Variants in DFFB observed in about 807,000 individuals in gnomAD.
The protein encoded by DFFB is DNA fragmentation factor subunit beta, also known as DNA fragmentation factor 40 kDa subunit.
DFFB carries 29 observed loss-of-function variants against 32.7 expected under a neutral mutation model. The ratio of observed to expected loss-of-function variants is 0.89; its 90% CI spans 0.66 to 1.21. DFFB has a LOEUF of 1.21. DFFB is among the 50% of genes most tolerant of loss of function. The probability of loss-of-function intolerance (pLI) is 0.00; values close to 1 mark genes in which losing one functional copy is unlikely to be tolerated. For synonymous variants in DFFB, 170 were observed against 177.1 expected (o/e 0.96, Z 0.32); for missense variants, 398 against 440.6 (o/e 0.90, Z 0.87).
chr1:3,865,897 T>C lies in DFFB; in HGVS notation c.327T>C (p.Asp109=). The change falls in exon 3 of 7, where the codon GAT becomes GAC. Residue 109 remains aspartate, a synonymous_variant. Coordinates refer to ENST00000378209, the MANE Select transcript of DFFB (RefSeq NM_004402.4). The surrounding 1 kb of genome is among the most constrained non-coding windows in gnomAD (Gnocchi z 4.7). ...AGGCCGCCCAGCAGCTGCTGTGTGA[T>C]GAGCAGGCCCCACAGAGGCAGAGGC... The part of the protein sequence containing the change: ...LIQAAQQLLC[D]EQAPQRQRLL... 1 of 1,613,760 alleles carries C rather than the reference T, an allele frequency of 6.2e-7. No homozygotes were observed. The highest frequency in any genetic ancestry group is 1.3e-5 in the African/African-American group (1 of 75,026).
intron 6 of DFFB, among the ~76,000 whole-genome samples, chr1:3,875,852 C>T (rs1645211590): frequency 6.6e-6 from 1 of 152,218 alleles, no homozygotes; most frequent in Non-Finnish European, 1.5e-5. Context: ...TTTCGGCTCA[C>T]TGCCACCTCC....
At position 3,860,646 on chromosome 1, in the gene DFFB, A is replaced by G. The variant is rs541279386; in HGVS notation, c.241+1802A>G. On this transcript the variant is annotated intron_variant, in intron 2 of 6. Transcript: ENST00000378209. ...ATCAGATACAACCGTGGTACAATATAAAACAGGAACACCGACACTAGTGCA... is the reference window on the plus strand; with the variant it reads ...ATCAGATACAACCGTGGTACAATATGAAACAGGAACACCGACACTAGTGCA... 12 of 218,574 alleles carry G rather than the reference A, an allele frequency of 5.5e-5. No homozygotes were observed. In the South Asian group the frequency reaches 5.7e-4, roughly 10 times the overall value. 13.5% of individuals were successfully genotyped at this position (218,574 alleles called of 1,614,324 possible).
At chr1:3,868,493 C>T (rs1354987040) in intron 4 of DFFB, among the ~76,000 whole-genome samples, 2 of 152,016 alleles carry the variant, frequency 1.3e-5, no homozygotes, top group Non-Finnish European at 2.9e-5. Context: ...CTCTCCACCG[C>T]TCCCTCCTCC....
At chr1:3,860,220 G>T (rs940440478) in intron 2 of DFFB, among the ~76,000 whole-genome samples, 1 of 152,014 alleles carries the variant, frequency 6.6e-6, no homozygotes. Flanking sequence ...GAGCCACTGT[G>T]CCTGGCCAAA....
intron 2 of DFFB, among the ~76,000 whole-genome samples, chr1:3,864,439 A>G (rs1047061855): frequency 6.6e-6 from 1 of 152,146 alleles, no homozygotes; most frequent in Non-Finnish European, 1.5e-5. Context: ...TGCTGTTTTT[A>G]ATTTTAGCCA....
At position 3,872,546 on chromosome 1, in the gene DFFB, C is replaced by T. The variant is rs751751055; in HGVS notation, c.756C>T (p.Leu252=). Residue 252 remains leucine, a synonymous_variant, in exon 6 of 7, where the codon CTC becomes CTT. Coordinates refer to ENST00000378209, the MANE Select transcript of DFFB (RefSeq NM_004402.4). ...NPYSNRESRI[L]FSTWNLDHII... ...ACAGTAACAGGGAGAGCAGGATCCTCTTCAGCACCTGGAACCTGGATCACA... is the reference window on the plus strand; with the variant it reads ...ACAGTAACAGGGAGAGCAGGATCCTTTTCAGCACCTGGAACCTGGATCACA... 20 of 1,613,998 alleles carry T rather than the reference C, an allele frequency of 1.2e-5. No individual in the cohort carries two copies. The highest frequency in any genetic ancestry group is 2.7e-5 in the African/African-American group (2 of 74,906).
At chr1:3,872,445 C>G (rs1419208835) in intron 5 of DFFB, 27 bp from the exon 6 acceptor site, 5 of 1,561,450 alleles carry the variant, frequency 3.2e-6, no homozygotes, top group African/African-American at 1.4e-5. Flanking sequence ...ACTTTCTGGC[C>G]TTCCCTCATT....
chr1:3,875,949 GT>G (rs1325378885), intron 6 of DFFB, among the ~76,000 whole-genome samples: 3 of 151,952 alleles, frequency 2.0e-5, no homozygotes, highest in Non-Finnish European at 4.4e-5. Flanking sequence ...GCTAATTTTT[GT>G]GTTTTTTTAG....
intron 2 of DFFB, 108 bp downstream of exon 2, chr1:3,858,952 A>T: frequency 6.8e-7 from 1 of 1,474,462 alleles, no homozygotes; most frequent in East Asian, 2.4e-5. Flanking sequence ...CCTTACTGTG[A>T]ACTCTCGGGT....
chr1:3,881,546 G>T (rs1645337748), intron 6 of DFFB, among the ~76,000 whole-genome samples: 1 of 152,204 alleles, frequency 6.6e-6, no homozygotes, highest in Admixed American at 6.5e-5. Context: ...GGCAGCTGGG[G>T]AGCCCCTTTC....
chr1:3,857,627 G>C lies in DFFB; in HGVS notation c.24G>C (p.Val8=). The change falls in exon 1 of 7, where the codon GTG becomes GTC. Residue 8 remains valine, a synonymous_variant. Transcript: ENST00000378209. MLQKPKS[V]KLRALRSPRK... ...CAATGCTCCAGAAGCCCAAGAGCGT[G>C]AAGCTGCGGGCCCTGCGCAGCCCGA... is the stretch of plus-strand genomic sequence containing the variant. 1 of 1,601,852 alleles carries C rather than the reference G, an allele frequency of 6.2e-7. No homozygotes were observed. The highest frequency in any genetic ancestry group is 8.5e-7 in the Non-Finnish European group (1 of 1,174,724).
At chr1:3,880,509 C>G (rs931640031) in intron 6 of DFFB, among the ~76,000 whole-genome samples, 10 of 152,220 alleles carry the variant, frequency 6.6e-5, no homozygotes, top group Non-Finnish European at 1.5e-5. Context: ...TCCTTGTGGA[C>G]TGTGCTGGGC....
At chr1:3,876,216 T>C (rs1189864139) in intron 6 of DFFB, among the ~76,000 whole-genome samples, 1 of 152,212 alleles carries the variant, frequency 6.6e-6, no homozygotes, top group East Asian at 1.9e-4. Flanking sequence ...ATGCAACAAG[T>C]ACCCAAAAAT....
rs139073886 is a variant in DFFB, at chr1:3,864,085, G to A, written c.242-1727G>A. ...GGGTTCAAGCGATTCTCTTGCCTCA[G>A]CCTCCCGAGTAGCTGGGGTTACAGG... On this transcript the variant is annotated intron_variant, in intron 2 of 6. Coordinates refer to ENST00000378209, the MANE Select transcript of DFFB (RefSeq NM_004402.4). 3.2e-3 allele frequency among the ~76,000 whole-genome samples: 490 copies of A among 152,122 alleles called. 2 individuals are homozygous for A. The highest frequency in any genetic ancestry group is 0.012 in the African/African-American group (480 of 41,482).
chr1:3,882,094 G>C (rs1474530217), intron 6 of DFFB, among the ~76,000 whole-genome samples: 1 of 152,162 alleles, frequency 6.6e-6, no homozygotes, highest in Admixed American at 6.5e-5. Flanking sequence ...ACTCCAACCA[G>C]GCTAGAATGC....
intron 5 of DFFB, among the ~76,000 whole-genome samples, chr1:3,872,116 T>C (rs1645125533): frequency 6.6e-6 from 1 of 152,174 alleles, no homozygotes; most frequent in Non-Finnish European, 1.5e-5. Context: ...ACTGAGACTG[T>C]ATGAGACTCA....
intron 3 of DFFB, among the ~76,000 whole-genome samples, chr1:3,866,574 A>G (rs536870321): frequency 2.0e-5 from 3 of 152,252 alleles, no homozygotes; most frequent in South Asian, 2.1e-4. Flanking sequence ...TAAAGTACAT[A>G]TGACATAAAA....
At chr1:3,859,340 CT>C (rs1644834358) in intron 2 of DFFB, among the ~76,000 whole-genome samples, 1 of 152,154 alleles carries the variant, frequency 6.6e-6, no homozygotes, top group African/African-American at 2.4e-5. Flanking sequence ...AGAGGTGGTT[CT>C]TTCGGGGCAT....
rs1644815552 is a variant in DFFB at position 3,858,764 on chromosome 1, A to G, written c.161A>G (p.Glu54Gly). ...SRLCLYEDGT[E>G]LTEDYFPSVP... ...CTGTGCCTGTACGAGGATGGCACGG[A>G]GCTGACGGAAGATTACTTCCCCAGT... The change falls in exon 2 of 7, where the codon GAG (glutamate) becomes GGG (glycine). Residue 54 changes from glutamate (E) to glycine (G), a missense_variant. Transcript: ENST00000378209. 6.2e-7 allele frequency: 1 copy of G among 1,614,120 alleles called. No homozygotes were observed. The highest frequency in any genetic ancestry group is 1.1e-5 in the South Asian group (1 of 91,090).
Sources: allele counts gnomAD v4.1 joint callset (sites outside exome capture counted in the v4.1 genomes callset), GRCh38; gene constraint gnomAD v4.1.1; non-coding constraint Gnocchi (gnomAD v3.1); transcripts MANE v1.5; gene names NCBI Gene and HGNC (gene_info 2026-07-23, HGNC 2026-07-21).